The following GABBR2 variants were observed in gnomAD, a reference collection of about 807,000 sequenced individuals.
The protein encoded by GABBR2 is G-protein coupled receptor 51.
GABBR2 carries 23 observed loss-of-function variants against 105.6 expected under a neutral mutation model. The ratio of observed to expected loss-of-function variants is 0.22; its 90% confidence interval spans 0.16 to 0.31. GABBR2 has a LOEUF of 0.31. Among genes scored for constraint, GABBR2 ranks in the 10% least tolerant of loss-of-function variants. The probability of loss-of-function intolerance (pLI) is 1.00; values close to 1 mark genes in which losing one functional copy is unlikely to be tolerated. For synonymous variants in GABBR2, 478 were observed against 499.7 expected, an observed-to-expected ratio of 0.96 and a Z score of 0.58; for missense variants, 734 against 1,245.5, an observed-to-expected ratio of 0.59 and a Z score of 6.18.
chr9:98,367,383 A>G (rs1831701169), intron 12 of GABBR2, among the ~76,000 whole-genome samples: 2 of 151,898 alleles, frequency 1.3e-5, no homozygotes, highest in African/African-American at 4.9e-5. Flanking sequence ...ACCAAAGGAC[A>G]AATATTGTAT....
intron 13 of GABBR2, among the ~76,000 whole-genome samples, chr9:98,354,272 T>G (rs927680679): frequency 2.6e-5 from 4 of 152,212 alleles, no homozygotes; most frequent in Non-Finnish European, 5.9e-5. Context: ...TTAGCACAAT[T>G]CTTCAGGGCC....
At chr9:98,436,335 C>T (rs59245690) in intron 7 of GABBR2, among the ~76,000 whole-genome samples, 763 of 63,318 alleles carry the variant, frequency 0.012, 84 homozygotes, top group African/African-American at 0.02. Flanking sequence ...TATATATACA[C>T]ACACACACAC....
At chr9:98,588,470 G>A (rs564348298) in intron 1 of GABBR2, among the ~76,000 whole-genome samples, 1 of 152,320 alleles carries the variant, frequency 6.6e-6, no homozygotes, top group African/African-American at 2.4e-5. Flanking sequence ...CATAGCATTT[G>A]CCTGTGCCAG....
intron 3 of GABBR2, among the ~76,000 whole-genome samples, chr9:98,521,172 G>A (rs1342052860): frequency 6.6e-6 from 1 of 152,196 alleles, no homozygotes; most frequent in African/African-American, 2.4e-5. Flanking sequence ...ATAAAAATAG[G>A]GGGGAATCTG....
chr9:98,421,536 G>T (rs1418066597), intron 7 of GABBR2, among the ~76,000 whole-genome samples: 1 of 152,116 alleles, frequency 6.6e-6, no homozygotes, highest in African/African-American at 2.4e-5. Context: ...TTAGTTGTTT[G>T]GACCTAACTG....
chr9:98,635,540 C>G (rs1445797258), intron 1 of GABBR2, among the ~76,000 whole-genome samples: 1 of 152,180 alleles, frequency 6.6e-6, no homozygotes, highest in Non-Finnish European at 1.5e-5. Context: ...CTGTCATACT[C>G]TAACTTCAAC....
intron 11 of GABBR2, among the ~76,000 whole-genome samples, chr9:98,383,909 G>A (rs1339438456): frequency 6.6e-6 from 1 of 152,166 alleles, no homozygotes; most frequent in Admixed American, 6.5e-5. Context: ...TTTAAAGGGT[G>A]CTTCGTTTAA....
At chr9:98,594,859 G>T (rs12378806) in intron 1 of GABBR2, among the ~76,000 whole-genome samples, 4,595 of 152,320 alleles carry the variant, frequency 0.03, 83 homozygotes, top group East Asian at 0.056. Context: ...CGAGCCCTTT[G>T]CTAACCATGA....
At chr9:98,697,202 G>A (rs1830763995) in intron 1 of GABBR2, among the ~76,000 whole-genome samples, 1 of 152,044 alleles carries the variant, frequency 6.6e-6, no homozygotes, top group East Asian at 1.9e-4. Flanking sequence ...GACAATAAGA[G>A]CAAGGACCGC....
chr9:98,434,736 C>T (rs897765800), intron 7 of GABBR2, among the ~76,000 whole-genome samples: 1 of 152,154 alleles, frequency 6.6e-6, no homozygotes, highest in Admixed American at 6.5e-5. Context: ...CATTTTGGGG[C>T]ACTGGGGAAC....
At chr9:98,695,715 TA>T (rs1830741424) in intron 1 of GABBR2, among the ~76,000 whole-genome samples, 3 of 152,206 alleles carry the variant, frequency 2.0e-5, no homozygotes, top group Non-Finnish European at 4.4e-5. Flanking sequence ...ACCCTCAAAA[TA>T]ACTCTCTCAC....
intron 8 of GABBR2, among the ~76,000 whole-genome samples, chr9:98,401,057 T>C (rs185678710): frequency 5.3e-4 from 80 of 150,936 alleles, no homozygotes; most frequent in Admixed American, 2.1e-3. Flanking sequence ...CTGGGGTCAC[T>C]GTTAAGAGTG....
At chr9:98,564,909 C>G (rs1807323830) in intron 2 of GABBR2, among the ~76,000 whole-genome samples, 1 of 152,048 alleles carries the variant, frequency 6.6e-6, no homozygotes, top group South Asian at 2.1e-4. Flanking sequence ...GACTAGGAAG[C>G]CTTCCTGGAG....
At chr9:98,694,671 G>A (rs1414482891) in intron 1 of GABBR2, among the ~76,000 whole-genome samples, 1 of 152,230 alleles carries the variant, frequency 6.6e-6, no homozygotes, top group Middle Eastern at 3.4e-3. Flanking sequence ...GTTTAGTTTC[G>A]GGCGTATTTT....
chr9:98,499,118 G>A (rs965284267), intron 3 of GABBR2, among the ~76,000 whole-genome samples: 5 of 152,216 alleles, frequency 3.3e-5, no homozygotes, highest in Non-Finnish European at 1.5e-5. Flanking sequence ...GAATGGCTTT[G>A]TAAACTCTAA....
chr9:98,485,544 G>A (rs555247002), intron 4 of GABBR2, among the ~76,000 whole-genome samples: 9 of 151,860 alleles, frequency 5.9e-5, no homozygotes, highest in South Asian at 2.1e-4. Flanking sequence ...ACTCACGCAC[G>A]CACATGACAC....
At chr9:98,661,246 T>C (rs1438979061) in intron 1 of GABBR2, among the ~76,000 whole-genome samples, 1 of 152,220 alleles carries the variant, frequency 6.6e-6, no homozygotes, top group Non-Finnish European at 1.5e-5. Flanking sequence ...AACTCCCTTT[T>C]GCCATGGAAG....
chr9:98,442,440 G>A (rs1370508547), intron 7 of GABBR2, among the ~76,000 whole-genome samples: 2 of 152,214 alleles, frequency 1.3e-5, no homozygotes, highest in African/African-American at 4.8e-5. Context: ...AGTGAGGGTC[G>A]AAAGTTAGAT....
chr9:98,332,746 C>T (rs564285676), intron 13 of GABBR2, among the ~76,000 whole-genome samples: 97 of 152,292 alleles, frequency 6.4e-4, no homozygotes, highest in Middle Eastern at 6.8e-3. Context: ...TGCTGTAAGA[C>T]GCAGATAAGA....
Sources: allele counts gnomAD v4.1 joint callset (sites outside exome capture counted in the v4.1 genomes callset), GRCh38; gene constraint gnomAD v4.1.1; transcripts MANE v1.5; gene names NCBI Gene and HGNC (gene_info 2026-07-23, HGNC 2026-07-21).